The following CA10 variants were observed in gnomAD, a reference collection of about 807,000 sequenced individuals.
CA10 encodes the protein carbonic anhydrase 10 (inactive).
A neutral mutation model predicts 44.2 loss-of-function variants in CA10; 14 were observed. The observed-to-expected ratio is 0.32, with a 90% CI of 0.21 to 0.50. The LOEUF (loss-of-function observed/expected upper bound fraction) is 0.50, where lower values mean the gene tolerates loss of function less well. CA10 is among the 20% of genes least tolerant of loss of function. The pLI is 0.99. For synonymous variants in CA10, 159 were observed against 141.6 expected, an observed-to-expected ratio of 1.12 and a Z score of -0.87; for missense variants, 350 against 409.7, an observed-to-expected ratio of 0.85 and a Z score of 1.26.
At chr17:51,807,772 C>T (rs536742825) in intron 3 of CA10, among the ~76,000 whole-genome samples, 49 of 152,236 alleles carry the variant, frequency 3.2e-4, no homozygotes, top group Admixed American at 2.2e-3. Flanking sequence ...AAAAAGAGTC[C>T]AGACTACATG....
Position 52,106,032 on chromosome 17 carries a change from C to T in CA10, c.62-33639G>A, listed in dbSNP as rs370927701. Among the ~76,000 whole-genome samples, 112 of 152,282 alleles carry T rather than the reference C, an allele frequency of 7.4e-4. 2 individuals carry two copies. Among genetic ancestry groups the T allele is most frequent in the African/African-American group, 2.6e-3 (110 of 41,562 alleles). On this transcript the variant is annotated intron_variant, in intron 1 of 8. Transcript: ENST00000451037. ...ATTCTGGAGTATTCTTAATACATTT[C>T]CTGTCCAAGAAAATACCCAGCTTGG...
At chr17:51,851,359 A>C (rs531853954) in intron 3 of CA10, among the ~76,000 whole-genome samples, 1 of 152,294 alleles carries the variant, frequency 6.6e-6, no homozygotes, top group East Asian at 1.9e-4. Context: ...GAAAGAAGGC[A>C]CAAACAGAGC....
intron 1 of CA10, among the ~76,000 whole-genome samples, chr17:52,104,109 T>C (rs1988603069): frequency 6.6e-6 from 1 of 152,094 alleles, no homozygotes; most frequent in Admixed American, 6.5e-5. Flanking sequence ...TAAGGACATC[T>C]GTTAGGCAAT....
Position 51,915,831 on chromosome 17 carries a change from G to T in CA10, c.279+15159C>A, listed in dbSNP as rs897165614. On this transcript the variant is annotated intron_variant, in intron 3 of 8. Transcript: ENST00000451037. ...TCCAGTATCTGTCCTTTTTGTAATC[G>T]CAAAAGGAAAGCTTGGCAGTTGTCA... is the stretch of plus-strand genomic sequence containing the variant. Among the ~76,000 whole-genome samples the T allele has an allele frequency of 2.6e-5, 4 of 151,848 alleles. No homozygotes were observed. In the South Asian group the frequency reaches 6.2e-4, roughly 24 times the overall value.
rs781699188 is a variant in CA10 at position 51,635,865 on chromosome 17, G to T, written c.779C>A (p.Thr260Asn). 7.6e-6 allele frequency: 12 copies of T among 1,586,698 alleles called. No individual in the cohort carries two copies. Among genetic ancestry groups the T allele is most frequent in the Non-Finnish European group, 1.0e-5 (12 of 1,165,310 alleles). The change falls in exon 7 of 9, where the codon ACC becomes AAC. Residue 260 changes from threonine (T) to asparagine (N), a missense_variant. Transcript: ENST00000451037. ...CAGAGAGAAACTCACCTGCATCCTG[G>T]TTATATAGACAGGTTTGTTCATTAT... is the stretch of plus-strand genomic sequence containing the variant. ...WIIMNKPVYI[T>N]RMQMHSLRLL...
Position 51,889,512 on chromosome 17 carries a change from G to A in CA10, c.279+41478C>T, listed in dbSNP as rs1456953081. ...GTGCTCCAGCCTAGATGACAGTGAG[G>A]CCCTGTCTCAAAAATAAAATAAAAC... On this transcript the variant is annotated intron_variant, in intron 3 of 8. Coordinates refer to ENST00000451037, the MANE Select transcript of CA10 (RefSeq NM_020178.5). Among the ~76,000 whole-genome samples the A allele has an allele frequency of 6.6e-5, 10 of 152,062 alleles. No homozygotes were observed. In the South Asian group the frequency reaches 1.2e-3, roughly 19 times the overall value.
At chr17:52,099,938 G>A (rs917741460) in intron 1 of CA10, among the ~76,000 whole-genome samples, 3 of 152,236 alleles carry the variant, frequency 2.0e-5, no homozygotes, top group Admixed American at 6.5e-5. Flanking sequence ...ACATAGATCA[G>A]TGGTGACCTT....
In CA10 at chr17:51,980,848, C is replaced by T. The variant is rs12451297; in HGVS notation, c.137-49716G>A. On this transcript the variant is annotated intron_variant, in intron 2 of 8. Coordinates refer to ENST00000451037, the MANE Select transcript of CA10 (RefSeq NM_020178.5). ...GTTGTAGGTGTGCAGCATCATTTCT[C>T]GACTTTCTCTTCCGTTCCATTGACC... Among the ~76,000 whole-genome samples, 183 of 152,058 alleles carry T rather than the reference C, an allele frequency of 1.2e-3. 4 individuals carry two copies. In the South Asian group the frequency reaches 0.022, roughly 18 times the overall value.
chr17:52,031,948 T>C (rs998337691), intron 2 of CA10, among the ~76,000 whole-genome samples: 2 of 152,136 alleles, frequency 1.3e-5, no homozygotes, highest in African/African-American at 4.8e-5. Flanking sequence ...GGACCAAAAT[T>C]TGAAATTGAA....
chr17:52,111,377 C>T (rs1988786127), intron 1 of CA10, among the ~76,000 whole-genome samples: 1 of 152,192 alleles, frequency 6.6e-6, no homozygotes, highest in Non-Finnish European at 1.5e-5. Flanking sequence ...TCACCATTCA[C>T]TGTGACATGT....
At chr17:51,990,034 T>A (rs140677828) in intron 2 of CA10, among the ~76,000 whole-genome samples, 2 of 152,324 alleles carry the variant, frequency 1.3e-5, no homozygotes, top group African/African-American at 4.8e-5. Flanking sequence ...CCAACTAGCC[T>A]GCTTCCAGAA....
At chr17:51,916,383 C>T (rs1324971685) in intron 3 of CA10, among the ~76,000 whole-genome samples, 1 of 152,194 alleles carries the variant, frequency 6.6e-6, no homozygotes. Flanking sequence ...GCTTTGTCCC[C>T]ACCCAAATCT....
At chr17:51,886,716 T>G (rs59972255) in intron 3 of CA10, among the ~76,000 whole-genome samples, 3,070 of 152,282 alleles carry the variant, frequency 0.02, 85 homozygotes, top group African/African-American at 0.07. Flanking sequence ...GTAGAACTAG[T>G]AAAGAATATT....
At chr17:51,715,968 G>T (rs867454145) in intron 4 of CA10, among the ~76,000 whole-genome samples, 1 of 152,094 alleles carries the variant, frequency 6.6e-6, no homozygotes, top group Admixed American at 6.5e-5. Context: ...GGGATTACAG[G>T]CATAAGCCAC....
intron 3 of CA10, among the ~76,000 whole-genome samples, chr17:51,753,656 T>C (rs1007302616): frequency 2.0e-5 from 3 of 152,142 alleles, no homozygotes; most frequent in Non-Finnish European, 4.4e-5. Context: ...TTATTCTCAG[T>C]GGGAAGATAT....
intron 3 of CA10, among the ~76,000 whole-genome samples, chr17:51,754,499 T>C (rs1172158457): frequency 6.9e-6 from 1 of 144,654 alleles, no homozygotes; most frequent in Non-Finnish European, 1.5e-5. Context: ...TTATGGACAT[T>C]GGCAAGTCCA....
intron 2 of CA10, among the ~76,000 whole-genome samples, chr17:52,004,043 C>T (rs974558066): frequency 6.6e-6 from 1 of 151,786 alleles, no homozygotes; most frequent in Admixed American, 6.6e-5. Flanking sequence ...TTCCTCGTTA[C>T]ATTAATACAT....
chr17:52,072,476 T>A, intron 1 of CA10, 83 bp from the exon 2 acceptor site: 1 of 969,762 alleles, frequency 1.0e-6, no homozygotes, highest in Non-Finnish European at 1.6e-6. Flanking sequence ...AGGGTGAATA[T>A]CCATAAAATA....
intron 4 of CA10, among the ~76,000 whole-genome samples, chr17:51,663,295 G>T (rs1433888703): frequency 1.1e-4 from 1 of 9,028 alleles, no homozygotes; most frequent in East Asian, 3.1e-3. Flanking sequence ...TAAAGGAGCT[G>T]CTGAAAGCCA....
Sources: gnomAD v4.1 joint callset for allele counts (sites outside exome capture counted in the v4.1 genomes callset) on GRCh38, gnomAD v4.1.1 for gene constraint, MANE v1.5 for transcripts, NCBI Gene and HGNC (gene_info 2026-07-23, HGNC 2026-07-21) for gene names.